Variants in MIER3 observed in about 807,000 individuals in gnomAD.
The protein encoded by MIER3 is mesoderm induction early response protein 3.
In MIER3, 9 loss-of-function variants were observed where a neutral mutation model predicts 63.2. The observed-to-expected ratio is 0.14, with a 90% CI of 0.09 to 0.25. The LOEUF (loss-of-function observed/expected upper bound fraction) is 0.25, where lower values mean the gene tolerates loss of function less well. Ranked by LOEUF, MIER3 falls within the 10% of genes least tolerant of loss-of-function variation. The pLI is 1.00. For missense variants in MIER3, 512 were observed against 666.2 expected (o/e 0.77, Z 2.55); for synonymous variants, 205 against 224.9 (o/e 0.91, Z 0.79).
chr5:56,924,053 A>C lies in MIER3; in HGVS notation c.925-11T>G. 2 of 1,587,602 alleles carry C rather than the reference A, an allele frequency of 1.3e-6. No individual in the cohort carries two copies. The highest frequency in any genetic ancestry group is 1.9e-5 in the Admixed American group (1 of 52,522). On this transcript the variant is annotated splice_polypyrimidine_tract_variant and intron_variant, in intron 10 of 12. Coordinates refer to ENST00000381199, the MANE Select transcript of MIER3 (RefSeq NM_001297599.2). The stretch of plus-strand genomic sequence containing the variant: ...TGTCCTAGTTCTCACCTAATGAAAA[A>C]GTTGAATTTTTAAAAAACCAACAAA...
intron 3 of MIER3, among the ~76,000 whole-genome samples, chr5:56,946,062 T>C (rs531717335): frequency 2.0e-5 from 3 of 152,296 alleles, no homozygotes; most frequent in African/African-American, 7.2e-5. Context: ...GTTAAGTCAC[T>C]CTTCTGTTTC....
In MIER3 at chr5:56,935,412, C is replaced by G. The variant is rs748883516; in HGVS notation, c.595+16G>C. ...CTTATCTACCAAACATTATCAAAAT[C>G]AAAAGCTTTCCTTACCTTTCTCATT... is the stretch of plus-strand genomic sequence containing the variant. On this transcript the variant is annotated intron_variant, in intron 7 of 12. Transcript: ENST00000381199. 6.4e-7 allele frequency: 1 copy of G among 1,561,292 alleles called. No individual in the cohort carries two copies. The highest frequency in any genetic ancestry group is 1.2e-5 in the South Asian group (1 of 81,696).
At chr5:56,950,215 A>G (rs938963260) in intron 2 of MIER3, among the ~76,000 whole-genome samples, 5 of 152,242 alleles carry the variant, frequency 3.3e-5, no homozygotes. Flanking sequence ...ACAACGTAAG[A>G]GGAGATGAGG....
At chr5:56,933,603 C>A (rs1289252193) in intron 7 of MIER3, among the ~76,000 whole-genome samples, 1 of 152,174 alleles carries the variant, frequency 6.6e-6, no homozygotes, top group Admixed American at 6.5e-5. Context: ...ATTCCAGGGG[C>A]CAAAGCAAGT....
chr5:56,952,070 C>T, intron 1 of MIER3, 24 bp downstream of exon 1: 1 of 1,297,800 alleles, frequency 7.7e-7, no homozygotes, highest in Non-Finnish European at 9.9e-7. Flanking sequence ...AGCCCGGCTG[C>T]TCCTGCCCGG....
chr5:56,946,957 T>A lies in MIER3; in HGVS notation c.149A>T (p.Asn50Ile). ...EEEEMMDEGK[N>I]FSSEIEDLEK... ...TAAGTCTTCAATTTCTGAACTGAAG[T>A]TTTTACCCTCATCCATCATTTCCTC... The change falls in exon 3 of 13, where the codon AAC becomes ATC. Residue 50 changes from asparagine (N) to isoleucine (I), a missense_variant. Coordinates refer to ENST00000381199, the MANE Select transcript of MIER3 (RefSeq NM_001297599.2). 6.2e-7 allele frequency: 1 copy of A among 1,602,112 alleles called. No individual in the cohort carries two copies. Among genetic ancestry groups the A allele is most frequent in the Non-Finnish European group, 8.5e-7 (1 of 1,175,608 alleles).
chr5:56,932,552 G>T (rs1345120588), intron 8 of MIER3, among the ~76,000 whole-genome samples: 1 of 152,116 alleles, frequency 6.6e-6, no homozygotes, highest in Non-Finnish European at 1.5e-5. Flanking sequence ...ATTAGTCAGG[G>T]TTGGTGATTC....
chr5:56,937,304 T>C (rs1365200587), intron 5 of MIER3, among the ~76,000 whole-genome samples: 1 of 152,132 alleles, frequency 6.6e-6, no homozygotes, highest in Non-Finnish European at 1.5e-5. Context: ...CTCAAACTCC[T>C]GGCCTCAAGT....
At chr5:56,925,568 A>G (rs961169010) in intron 10 of MIER3, 1 of 212,178 alleles carries the variant, frequency 4.7e-6, no homozygotes, top group African/African-American at 2.4e-5. Flanking sequence ...CAAAATCTGT[A>G]TGAGAAAAAC....
At chr5:56,938,802 T>C (rs894405944) in intron 4 of MIER3, 81 bp downstream of exon 4, 2 of 1,505,864 alleles carry the variant, frequency 1.3e-6, no homozygotes, top group African/African-American at 2.8e-5. Context: ...ATTTAAGAAT[T>C]ATTAAATAAT....
At chr5:56,948,541 CTG>C (rs769134277) in intron 2 of MIER3, among the ~76,000 whole-genome samples, 4 of 152,010 alleles carry the variant, frequency 2.6e-5, no homozygotes, top group Non-Finnish European at 4.4e-5. Context: ...TGGTGGGCAC[CTG>C]TAATACCACC....
At chr5:56,924,187 T>G in intron 10 of MIER3, 145 bp from the exon 11 acceptor site, 10 of 781,438 alleles carry the variant, frequency 1.3e-5, no homozygotes, top group Non-Finnish European at 1.9e-5. Context: ...AATTATAAAG[T>G]TCTGAACACT....
At position 56,935,682 on chromosome 5, in the gene MIER3, G is replaced by C; in HGVS notation, c.506C>G (p.Pro169Arg). Residue 169 changes from proline (P) to arginine (R), a missense_variant, in exon 6 of 13, where the codon CCT (proline) becomes CGT (arginine). Coordinates refer to ENST00000381199, the MANE Select transcript of MIER3 (RefSeq NM_001297599.2). The stretch of plus-strand genomic sequence containing the variant: ...TCAGCTTACCTTCCTCAAATCTTCA[G>C]GTGAATTACCACTGTCTGTTTCAAC... ...EDVETDSGNS[P>R]EDLRKEIMIG... 1 of 1,613,692 alleles carries C rather than the reference G, an allele frequency of 6.2e-7. No homozygotes were observed. The highest frequency in any genetic ancestry group is 8.5e-7 in the Non-Finnish European group (1 of 1,179,726).
At position 56,923,326 on chromosome 5, in the gene MIER3, G is replaced by A; in HGVS notation, c.1455C>T (p.Gly485=). 6.2e-7 allele frequency: 1 copy of A among 1,614,166 alleles called. No individual in the cohort carries two copies. The highest frequency in any genetic ancestry group is 8.5e-7 in the Non-Finnish European group (1 of 1,180,024). The change falls in exon 13 of 13, where the codon GGC becomes GGT. Residue 485 remains glycine, a synonymous_variant. Coordinates refer to ENST00000381199, the MANE Select transcript of MIER3 (RefSeq NM_001297599.2). ...SERPAKRLKM[G]IAVPESFMNE... The stretch of plus-strand genomic sequence containing the variant: ...TCATAAAGGATTCAGGGACGGCAAT[G>A]CCCATTTTCAATCTTTTTGCTGGTC...
chr5:56,933,016 G>A (rs955748048), intron 8 of MIER3, among the ~76,000 whole-genome samples: 1 of 151,912 alleles, frequency 6.6e-6, no homozygotes, highest in Non-Finnish European at 1.5e-5. Context: ...GGCATCTCAA[G>A]GAAGACATAT....
chr5:56,951,993 A>C, intron 1 of MIER3, 101 bp downstream of exon 1: 1 of 989,998 alleles, frequency 1.0e-6, no homozygotes. Context: ...CTCATGGGGC[A>C]GCGGAAAGAG....
Position 56,921,038 on chromosome 5 carries a change from G to A in MIER3, c.*2090C>T, listed in dbSNP as rs1749647978. 6.6e-6 allele frequency: 1 copy of A among 152,422 alleles called. No individual in the cohort carries two copies. The highest frequency in any genetic ancestry group is 1.5e-5 in the Non-Finnish European group (1 of 67,936). 9.4% of individuals were successfully genotyped at this position (152,422 alleles called of 1,614,324 possible). ...CAACTTGCTGATAATCAAAACTTTA[G>A]ATAAGAAACACTGTTTCCATCTTAT... On this transcript the variant is annotated 3_prime_UTR_variant, in exon 13 of 13. Transcript: ENST00000381199.
At chr5:56,937,907 C>T (rs1461744783) in intron 4 of MIER3, among the ~76,000 whole-genome samples, 1 of 151,026 alleles carries the variant, frequency 6.6e-6, no homozygotes, top group Admixed American at 6.6e-5. Flanking sequence ...ATAATCAGTG[C>T]AACCATATAC....
At chr5:56,938,198 G>A (rs1750519133) in intron 4 of MIER3, 1 of 466,100 alleles carries the variant, frequency 2.1e-6, no homozygotes, top group Non-Finnish European at 4.5e-6. Context: ...CTAGCACAAA[G>A]TAGCCACTCA....
Sources: allele counts gnomAD v4.1 joint callset (sites outside exome capture counted in the v4.1 genomes callset), GRCh38; gene constraint gnomAD v4.1.1; transcripts MANE v1.5; gene names NCBI Gene and HGNC (gene_info 2026-07-23, HGNC 2026-07-21).